Variants in DDC observed in about 807,000 individuals in gnomAD.
DDC encodes dopa decarboxylase, also known as aromatic-L-amino-acid decarboxylase.
A neutral mutation model predicts 60.0 loss-of-function variants in DDC; 43 were observed. The observed-to-expected ratio is 0.72, with a 90% CI of 0.56 to 0.92. The LOEUF is 0.92. Ranked by LOEUF, DDC falls within the 40% of genes least tolerant of loss-of-function variation. The pLI, the probability that DDC is intolerant of heterozygous loss-of-function variation, is 0.00. For missense variants in DDC, 573 were observed against 620.2 expected (o/e 0.92, Z 0.81); for synonymous variants, 232 against 234.6 (o/e 0.99, Z 0.10).
chr7:50,477,247 C>T (rs2329365), intron 10 of DDC, among the ~76,000 whole-genome samples: 84,280 of 151,846 alleles, frequency 0.56, 23,551 homozygotes, highest in Admixed American at 0.62. Context: ...AAGCAGCAAA[C>T]CCCAGGACAA....
chr7:50,520,317 A>T, intron 6 of DDC, among the ~76,000 whole-genome samples: 1 of 152,266 alleles, frequency 6.6e-6, no homozygotes, highest in South Asian at 2.1e-4. Flanking sequence ...AATGGACATT[A>T]TACAAAGTAT....
chr7:50,525,530 G>A (rs1387061016), intron 6 of DDC, among the ~76,000 whole-genome samples: 5 of 152,126 alleles, frequency 3.3e-5, no homozygotes, highest in Admixed American at 6.5e-5. Context: ...TTGGAAGGCC[G>A]AGGCAGGCAG....
chr7:50,515,720 G>A (rs2043708517), intron 6 of DDC, among the ~76,000 whole-genome samples: 1 of 152,106 alleles, frequency 6.6e-6, no homozygotes, highest in Non-Finnish European at 1.5e-5. Context: ...ATAAACTTAA[G>A]GGGTGGAAAA....
chr7:50,502,749 G>T (rs1007241561), intron 7 of DDC, among the ~76,000 whole-genome samples: 1 of 152,248 alleles, frequency 6.6e-6, no homozygotes, highest in Non-Finnish European at 1.5e-5. Flanking sequence ...TCCTTGCTGT[G>T]CAGCAATGCA....
At position 50,469,272 on chromosome 7, in the gene DDC, A is replaced by T. The variant is rs1472517412; in HGVS notation, c.1140+801T>A. ...TGTTATTTTAAAAAAAAAAAAAAAAAAAAAAGCAGGGGAGTGGGGCTTGGA... is the reference window on the plus strand; with the variant it reads ...TGTTATTTTAAAAAAAAAAAAAAAATAAAAAGCAGGGGAGTGGGGCTTGGA... On this transcript the variant is annotated intron_variant, in intron 12 of 14. Transcript: ENST00000444124. 2.0e-5 allele frequency among the ~76,000 whole-genome samples: 3 copies of T among 147,356 alleles called. No individual in the cohort carries two copies. The East Asian group carries it at 5.8e-4, about 29-fold the overall frequency.
In DDC at chr7:50,540,105, C is replaced by T. The variant is rs571329045; in HGVS notation, c.202-77G>A. ...AGAGAGCGGGGGACCCAGGTACCCC[C>T]ATGGCTCCCAGCTGCCAGATGCAGC... On this transcript the variant is annotated intron_variant, in intron 2 of 14. Coordinates refer to ENST00000444124, the MANE Select transcript of DDC (RefSeq NM_001082971.2). 7 of 1,126,592 alleles carry T rather than the reference C, an allele frequency of 6.2e-6. No individual in the cohort carries two copies. In the African/African-American group the frequency reaches 9.3e-5, roughly 15 times the overall value. The allele number at this position is 1,126,592 out of a possible 1,614,324, so 69.8% of individuals were successfully genotyped here. A position where few individuals can be genotyped will look rare whatever the true frequency, so the allele number is the denominator to read the frequency against.
intron 9 of DDC, among the ~76,000 whole-genome samples, chr7:50,490,732 T>G (rs1477701684): frequency 2.0e-5 from 3 of 152,186 alleles, no homozygotes; most frequent in Non-Finnish European, 4.4e-5. Flanking sequence ...TCTTAGATTC[T>G]TTATGAAAAG....
At chr7:50,483,803 C>T (rs1374542619) in intron 9 of DDC, among the ~76,000 whole-genome samples, 25 of 151,696 alleles carry the variant, frequency 1.6e-4, no homozygotes, top group Non-Finnish European at 3.5e-4. Flanking sequence ...GCTGGGGAGG[C>T]TGAGGCAGGA....
At chr7:50,529,371 T>A (rs1204779317) in intron 4 of DDC, 29 bp from the exon 5 acceptor site, 2 of 1,613,842 alleles carry the variant, frequency 1.2e-6, no homozygotes, top group Non-Finnish European at 1.7e-6. Context: ...CCAAATGAAA[T>A]CCCAAACATA....
At chr7:50,531,719 C>G (rs2044215973) in intron 4 of DDC, 1 of 152,026 alleles carries the variant, frequency 6.6e-6, no homozygotes. Flanking sequence ...ACCAGGGTGG[C>G]CTGGTGGCCT....
intron 14 of DDC, among the ~76,000 whole-genome samples, chr7:50,459,958 C>T (rs549760159): frequency 2.2e-4 from 31 of 143,696 alleles, no homozygotes; most frequent in African/African-American, 4.9e-4. Flanking sequence ...CCCGGCCAGC[C>T]GCCCCATCTG....
At chr7:50,485,258 T>G (rs1373393580) in intron 9 of DDC, among the ~76,000 whole-genome samples, 4 of 152,194 alleles carry the variant, frequency 2.6e-5, no homozygotes, top group Non-Finnish European at 5.9e-5. Context: ...ATGGCTCACA[T>G]TTACAGATAA....
intron 6 of DDC, among the ~76,000 whole-genome samples, chr7:50,509,339 A>G (rs939164610): frequency 6.6e-6 from 1 of 152,218 alleles, no homozygotes. Context: ...TGGTCCTTCC[A>G]TCTTCCTCAA....
chr7:50,541,302 C>T (rs750680025), intron 2 of DDC: 4 of 152,342 alleles, frequency 2.6e-5, no homozygotes. Context: ...GCCCTGTCAT[C>T]CCTTCAGATA....
intron 9 of DDC, among the ~76,000 whole-genome samples, chr7:50,481,349 T>A (rs1297481902): frequency 6.6e-6 from 1 of 152,182 alleles, no homozygotes; most frequent in Non-Finnish European, 1.5e-5. Flanking sequence ...AGGCATTTTA[T>A]GGGGAGCCAC....
chr7:50,524,410 T>C (rs2043983674), intron 6 of DDC, among the ~76,000 whole-genome samples: 2 of 152,344 alleles, frequency 1.3e-5, no homozygotes, highest in South Asian at 4.1e-4. Flanking sequence ...AGAAGGTATA[T>C]GTTCTTCCTA....
intron 6 of DDC, among the ~76,000 whole-genome samples, chr7:50,521,110 G>A (rs903780560): frequency 6.6e-6 from 1 of 151,694 alleles, no homozygotes; most frequent in Non-Finnish European, 1.5e-5. Flanking sequence ...ATATCAGAAA[G>A]GAAAGTAGAA....
In DDC at chr7:50,474,232, G is replaced by A. The variant is rs78161270; in HGVS notation, c.1041+2392C>T. On this transcript the variant is annotated intron_variant, in intron 11 of 14. Coordinates refer to ENST00000444124, the MANE Select transcript of DDC (RefSeq NM_001082971.2). ...TAGTTGAAGTAACAGAAGGACAAAC[G>A]CTTTTCAAAGAATGCTTGGCCTATC... 1.5e-3 allele frequency among the ~76,000 whole-genome samples: 223 copies of A among 152,336 alleles called. 6 individuals carry two copies. In the East Asian group the frequency reaches 0.04, roughly 28 times the overall value.
intron 8 of DDC, among the ~76,000 whole-genome samples, chr7:50,498,424 C>G (rs2043172164): frequency 2.6e-5 from 4 of 152,232 alleles, no homozygotes; most frequent in Non-Finnish European, 5.9e-5. Flanking sequence ...TCTCAGGACC[C>G]TCTATGGCAT....
Sources: allele counts gnomAD v4.1 joint callset (sites outside exome capture counted in the v4.1 genomes callset), GRCh38; gene constraint gnomAD v4.1.1; transcripts MANE v1.5; gene names NCBI Gene and HGNC (gene_info 2026-07-23, HGNC 2026-07-21).